TMEFF2: variants seen among roughly 807,000 people sequenced by gnomAD.
TMEFF2 encodes tomoregulin-2.
Under a neutral mutation model 53.8 loss-of-function variants are expected in TMEFF2, and 28 were observed. That is an observed-to-expected ratio of 0.52 (90% CI 0.39 to 0.71). TMEFF2 has a LOEUF of 0.71. TMEFF2 is among the 30% of genes least tolerant of loss of function. The probability of loss-of-function intolerance (pLI) is 0.00; values close to 1 mark genes in which losing one functional copy is unlikely to be tolerated. For missense variants in TMEFF2, 353 were observed against 455.2 expected (o/e 0.78, Z 2.04); for synonymous variants, 162 against 166.3 (o/e 0.97, Z 0.20).
At chr2:192,193,927 T>G (rs2106055143) in intron 1 of TMEFF2, among the ~76,000 whole-genome samples, 1 of 152,248 alleles carries the variant, frequency 6.6e-6, no homozygotes, top group Admixed American at 6.5e-5. Context: ...CACCATTTGA[T>G]TTATTGCTTT....
intron 5 of TMEFF2, among the ~76,000 whole-genome samples, chr2:192,049,002 A>G (rs1229658213): frequency 1.3e-5 from 2 of 152,250 alleles, no homozygotes; most frequent in African/African-American, 2.4e-5. Context: ...TATATTTTAT[A>G]TACTGAGTGA....
In TMEFF2 at chr2:192,136,823, A is replaced by C. The variant is rs16824108; in HGVS notation, c.439+42845T>G. On this transcript the variant is annotated intron_variant, in intron 4 of 9. Coordinates refer to ENST00000272771, the MANE Select transcript of TMEFF2 (RefSeq NM_016192.4). Reference sequence around the variant, plus strand: ...AACAACTAACTAAAGATAAACAACTAACTTTAGATTTATCAAAAGAACGTT... The same window carrying C: ...AACAACTAACTAAAGATAAACAACTCACTTTAGATTTATCAAAAGAACGTT... Among the ~76,000 whole-genome samples, 239 of 152,270 alleles carry C rather than the reference A, an allele frequency of 1.6e-3. 1 individual carries two copies. The highest frequency in any genetic ancestry group is 5.5e-3 in the African/African-American group (229 of 41,548).
chr2:192,057,655 A>G, intron 5 of TMEFF2, 24 bp downstream of exon 5: 1 of 1,593,388 alleles, frequency 6.3e-7, no homozygotes, highest in East Asian at 2.2e-5. Context: ...TATTTTGTCT[A>G]AAAGAATAAA....
rs576881992 is a variant in TMEFF2, at chr2:191,973,290, ATAT to A, written c.746-16915_746-16913del. Among the ~76,000 whole-genome samples, 482 of 152,074 alleles carry A rather than the reference ATAT, an allele frequency of 3.2e-3. 8 individuals carry two copies. The highest frequency in any genetic ancestry group is 0.01 in the African/African-American group (436 of 41,528). ...CTACTTGCCAAAAGATTATTAAATA[ATAT>A]TATTATTTTATAATCATATAGTGAC... On this transcript the variant is annotated intron_variant, in intron 7 of 9. Transcript: ENST00000272771.
intron 5 of TMEFF2, among the ~76,000 whole-genome samples, chr2:192,000,755 AACTT>A (rs756432673): frequency 1.2e-4 from 19 of 152,344 alleles, no homozygotes; most frequent in South Asian, 4.1e-4. Context: ...TGTGCTAATG[AACTT>A]ACTTATTTAT....
intron 4 of TMEFF2, among the ~76,000 whole-genome samples, chr2:192,110,564 T>G (rs1370758061): frequency 6.6e-6 from 1 of 152,222 alleles, no homozygotes; most frequent in Non-Finnish European, 1.5e-5. Context: ...CTATTTCTTC[T>G]AGGATAAATA....
chr2:192,192,340 C>T (rs983257481), intron 1 of TMEFF2, among the ~76,000 whole-genome samples: 1 of 151,818 alleles, frequency 6.6e-6, no homozygotes, highest in Non-Finnish European at 1.5e-5. Context: ...ATATTTATGA[C>T]CACAAAACTC....
intron 5 of TMEFF2, among the ~76,000 whole-genome samples, chr2:192,016,038 G>A (rs1232287678): frequency 6.6e-6 from 1 of 152,022 alleles, no homozygotes; most frequent in East Asian, 1.9e-4. Flanking sequence ...CAATGCCTTG[G>A]GTCACACAGA....
Position 192,005,044 on chromosome 2 carries a change from C to T in TMEFF2, c.537-5836G>A, listed in dbSNP as rs1347241330. Among the ~76,000 whole-genome samples, 3 of 152,240 alleles carry T rather than the reference C, an allele frequency of 2.0e-5. No individual in the cohort carries two copies. The East Asian group carries it at 5.8e-4, about 29-fold the overall frequency. ...CTAGGCTACAAAGAAAAAGAATCAG[C>T]CTTACTCGAAAATAATAATTTCAGG... is the stretch of plus-strand genomic sequence containing the variant. On this transcript the variant is annotated intron_variant, in intron 5 of 9. Coordinates refer to ENST00000272771, the MANE Select transcript of TMEFF2 (RefSeq NM_016192.4).
chr2:192,058,217 A>G (rs1157269043), intron 4 of TMEFF2, among the ~76,000 whole-genome samples: 1 of 152,206 alleles, frequency 6.6e-6, no homozygotes, highest in Non-Finnish European at 1.5e-5. Context: ...TAATTTTTAA[A>G]AATTTAGATG....
At chr2:192,092,034 C>T (rs1688802147) in intron 4 of TMEFF2, among the ~76,000 whole-genome samples, 1 of 151,134 alleles carries the variant, frequency 6.6e-6, no homozygotes, top group Non-Finnish European at 1.5e-5. Flanking sequence ...TGTCTAGGTA[C>T]TTGCCCAGGA....
intron 4 of TMEFF2, among the ~76,000 whole-genome samples, chr2:192,103,011 T>G (rs2105946439): frequency 6.6e-6 from 1 of 152,184 alleles, no homozygotes; most frequent in Middle Eastern, 3.4e-3. Flanking sequence ...TCCCAAAAAC[T>G]TTGGGTCACT....
At chr2:192,010,797 G>A (rs1453017274) in intron 5 of TMEFF2, among the ~76,000 whole-genome samples, 3 of 152,146 alleles carry the variant, frequency 2.0e-5, no homozygotes, top group Non-Finnish European at 2.9e-5. Flanking sequence ...CTTACACCTG[G>A]CGGGTACAAA....
chr2:192,058,531 CTAATTA>C (rs1310346749), intron 4 of TMEFF2, among the ~76,000 whole-genome samples: 3 of 151,938 alleles, frequency 2.0e-5, no homozygotes, highest in African/African-American at 7.3e-5. Context: ...AATATATCAC[CTAATTA>C]TAAAGTTAGT....
intron 4 of TMEFF2, among the ~76,000 whole-genome samples, chr2:192,109,323 T>C (rs1169998701): frequency 2.0e-5 from 3 of 152,092 alleles, no homozygotes; most frequent in Middle Eastern, 3.2e-3. Flanking sequence ...TCACATGCAA[T>C]CTACTGCAAG....
chr2:192,190,639 G>C (rs568902900), intron 2 of TMEFF2, among the ~76,000 whole-genome samples: 2 of 152,260 alleles, frequency 1.3e-5, no homozygotes, highest in South Asian at 4.1e-4. Flanking sequence ...TACCCACCAG[G>C]AGGTGGTGCA....
chr2:191,951,896 G>GCC lies in TMEFF2; in HGVS notation c.1029-1490_1029-1489insGG, dbSNP rs1559057046. Among the ~76,000 whole-genome samples, 12 of 152,072 alleles carry GCC rather than the reference G, an allele frequency of 7.9e-5. No homozygotes were observed. The East Asian group carries it at 1.8e-3, about 23-fold the overall frequency. ...TATTTTATTATAACATGGAAAATGAGTAAGTCTATGTGCCTTGGAAAAATA... is the reference window on the plus strand; with the variant it reads ...TATTTTATTATAACATGGAAAATGAGCCTAAGTCTATGTGCCTTGGAAAAATA... On this transcript the variant is annotated intron_variant, in intron 9 of 9. Transcript: ENST00000272771.
At chr2:192,000,972 A>G (rs1345219998) in intron 5 of TMEFF2, among the ~76,000 whole-genome samples, 1 of 152,198 alleles carries the variant, frequency 6.6e-6, no homozygotes, top group South Asian at 2.1e-4. Flanking sequence ...GATTCTTGGC[A>G]TCTGAAAACC....
chr2:192,127,667 A>C (rs1689709498), intron 4 of TMEFF2, among the ~76,000 whole-genome samples: 1 of 67,698 alleles, frequency 1.5e-5, no homozygotes, highest in African/African-American at 5.9e-5. Flanking sequence ...ATTGAGCAAC[A>C]GTACAATTAT....
Sources: gnomAD v4.1 joint callset for allele counts (sites outside exome capture counted in the v4.1 genomes callset) on GRCh38, gnomAD v4.1.1 for gene constraint, MANE v1.5 for transcripts, NCBI Gene and HGNC (gene_info 2026-07-23, HGNC 2026-07-21) for gene names.